Variants in USPL1 observed in about 807,000 individuals in gnomAD.
The protein encoded by USPL1 is ubiquitin specific peptidase like 1.
USPL1 carries 27 observed loss-of-function variants against 51.5 expected under a neutral mutation model. The ratio of observed to expected loss-of-function variants is 0.52; its 90% CI spans 0.39 to 0.72. The LOEUF (loss-of-function observed/expected upper bound fraction) is 0.72, where lower values mean the gene tolerates loss of function less well. USPL1 is among the 30% of genes least tolerant of loss of function. The pLI, the probability that USPL1 is intolerant of heterozygous loss-of-function variation, is 0.00. For missense variants in USPL1, 1,226 were observed against 1,268.0 expected (o/e 0.97, Z 0.50); for synonymous variants, 451 against 459.6 (o/e 0.98, Z 0.24).
chr13:30,647,900 C>A (rs980405931), intron 7 of USPL1, among the ~76,000 whole-genome samples: 7 of 152,176 alleles, frequency 4.6e-5, no homozygotes, highest in African/African-American at 1.7e-4. Context: ...GGGCAGTAGT[C>A]CCCTGTTCCC....
chr13:30,626,849 A>G (rs1950723569), intron 3 of USPL1, among the ~76,000 whole-genome samples: 1 of 151,950 alleles, frequency 6.6e-6, no homozygotes, highest in South Asian at 2.1e-4. Flanking sequence ...ACATTTAATT[A>G]GTCTTTTTTA....
chr13:30,631,892 G>T (rs1005581260), intron 4 of USPL1, among the ~76,000 whole-genome samples: 1 of 152,146 alleles, frequency 6.6e-6, no homozygotes, highest in Non-Finnish European at 1.5e-5. Context: ...CTGGGAGCAA[G>T]GAGCCCAGGA....
intron 4 of USPL1, among the ~76,000 whole-genome samples, chr13:30,633,272 C>T (rs973406409): frequency 6.6e-6 from 1 of 152,018 alleles, no homozygotes; most frequent in African/African-American, 2.4e-5. Context: ...CTTACTATGC[C>T]TAATTATAAA....
chr13:30,621,519 TA>T (rs1185733794), intron 2 of USPL1, among the ~76,000 whole-genome samples: 1 of 152,088 alleles, frequency 6.6e-6, no homozygotes, highest in Admixed American at 6.5e-5. Flanking sequence ...TCCTTGCAAA[TA>T]AAATTGATAC....
intron 3 of USPL1, among the ~76,000 whole-genome samples, chr13:30,628,631 A>T (rs994760577): frequency 2.0e-5 from 3 of 152,218 alleles, no homozygotes; most frequent in Non-Finnish European, 2.9e-5. Context: ...GAGTGAGAAC[A>T]TGCGGTGTTT....
At chr13:30,628,552 C>G (rs540703884) in intron 3 of USPL1, among the ~76,000 whole-genome samples, 4 of 152,152 alleles carry the variant, frequency 2.6e-5, no homozygotes, top group Non-Finnish European at 5.9e-5. Context: ...CCCTACCCGC[C>G]GACAGGCCCC....
rs1433853397 is a variant in USPL1 at position 30,629,412 on chromosome 13, A to G, written c.229-1423A>G. 4.6e-5 allele frequency among the ~76,000 whole-genome samples: 7 copies of G among 152,304 alleles called. No homozygotes were observed. In the East Asian group the frequency reaches 1.4e-3, roughly 29 times the overall value. On this transcript the variant is annotated intron_variant, in intron 3 of 8. Transcript: ENST00000255304. ...TAAGGTTGTAGGATCTCTTGATCCCAGGAGGCAGAGGTTGCAGTGAGCTGG... is the reference window on the plus strand; with the variant it reads ...TAAGGTTGTAGGATCTCTTGATCCCGGGAGGCAGAGGTTGCAGTGAGCTGG...
At position 30,658,652 on chromosome 13, in the gene USPL1, T is replaced by C. The variant is rs1276716114; in HGVS notation, c.2575T>C (p.Cys859Arg). The C allele has an allele frequency of 5.6e-6, 9 of 1,614,096 alleles. No homozygotes were observed. Among genetic ancestry groups the C allele is most frequent in the African/African-American group, 1.3e-5 (1 of 74,924 alleles). Reference protein sequence around the residue: ...EVLEKSGSTSCGAQLNHSSYG... With the variant: ...EVLEKSGSTSRGAQLNHSSYG... The stretch of plus-strand genomic sequence containing the variant: ...TTTGGAAAAGTCTGGAAGCACCTCA[T>C]GTGGAGCTCAACTCAACCACAGTTC... The change falls in exon 9 of 9, where the codon TGT (cysteine) becomes CGT (arginine). Residue 859 changes from cysteine to arginine, a missense_variant. Transcript: ENST00000255304.
chr13:30,642,840 TAC>T, intron 6 of USPL1, 83 bp downstream of exon 6: 1 of 1,491,474 alleles, frequency 6.7e-7, no homozygotes, highest in East Asian at 2.3e-5. Context: ...CACCAGACAC[TAC>T]AGTTTGCTTG....
chr13:30,619,966 A>C (rs1383300380), intron 1 of USPL1, among the ~76,000 whole-genome samples: 1 of 152,228 alleles, frequency 6.6e-6, no homozygotes, highest in Non-Finnish European at 1.5e-5. Flanking sequence ...TCGTCAGTGC[A>C]TAGAACAGCC....
At chr13:30,653,015 G>T in intron 7 of USPL1, 133 bp from the exon 8 acceptor site, 2 of 800,676 alleles carry the variant, frequency 2.5e-6, no homozygotes, top group Middle Eastern at 2.8e-4. Context: ...CACACATCTG[G>T]AGGTGCTCAA....
chr13:30,629,784 T>G (rs1386414083), intron 3 of USPL1, among the ~76,000 whole-genome samples: 1 of 152,122 alleles, frequency 6.6e-6, no homozygotes, highest in African/African-American at 2.4e-5. Flanking sequence ...CAGGCCTCTA[T>G]GTATATCATG....
intron 1 of USPL1, among the ~76,000 whole-genome samples, chr13:30,619,659 T>G (rs1950623084): frequency 6.6e-6 from 1 of 152,200 alleles, no homozygotes; most frequent in African/African-American, 2.4e-5. Context: ...TTTACATGCT[T>G]TATCTCATTT....
chr13:30,649,271 A>G (rs1048045165), intron 7 of USPL1, among the ~76,000 whole-genome samples: 3 of 152,206 alleles, frequency 2.0e-5, no homozygotes, highest in Admixed American at 6.5e-5. Flanking sequence ...AGGTCTTTAT[A>G]TAAGTCCTTT....
chr13:30,637,120 T>C (rs1427234489), intron 4 of USPL1, among the ~76,000 whole-genome samples: 1 of 152,134 alleles, frequency 6.6e-6, no homozygotes, highest in East Asian at 1.9e-4. Context: ...CATACCCAGC[T>C]TTTTTTCTAA....
intron 4 of USPL1, among the ~76,000 whole-genome samples, chr13:30,633,105 T>A (rs1950829355): frequency 6.6e-6 from 1 of 152,228 alleles, no homozygotes; most frequent in Non-Finnish European, 1.5e-5. Flanking sequence ...AGTCTCCCCT[T>A]ATTGTAGTTG....
In USPL1 at chr13:30,658,949, C is replaced by T. The variant is rs376320472; in HGVS notation, c.2872C>T (p.Pro958Ser). 1.2e-6 allele frequency: 2 copies of T among 1,614,152 alleles called. No homozygotes were observed. Among genetic ancestry groups the T allele is most frequent in the South Asian group, 1.1e-5 (1 of 91,072 alleles). ...CAGTGAGTCTGCATGCACCACTGTT[C>T]CTGGTGTTTCCCTGTACAGTAGTCA... is the stretch of plus-strand genomic sequence containing the variant. Reference protein sequence around the residue: ...IASESACTTVPGVSLYSSQTH... With the variant: ...IASESACTTVSGVSLYSSQTH... The change falls in exon 9 of 9, where the codon CCT becomes TCT. Residue 958 changes from proline to serine, a missense_variant. By Grantham distance (74) the Pro-to-Ser change is moderately conservative (BLOSUM62 -1). Coordinates refer to ENST00000255304, the MANE Select transcript of USPL1 (RefSeq NM_005800.5).
At chr13:30,625,032 T>C (rs1181879297) in intron 3 of USPL1, among the ~76,000 whole-genome samples, 1 of 152,224 alleles carries the variant, frequency 6.6e-6, no homozygotes, top group East Asian at 1.9e-4. Context: ...CACTTTCTTT[T>C]TAGAAGCTTC....
At chr13:30,650,591 A>G (rs1413310683) in intron 7 of USPL1, among the ~76,000 whole-genome samples, 1 of 145,926 alleles carries the variant, frequency 6.9e-6, no homozygotes, top group African/African-American at 2.5e-5. Flanking sequence ...AAAAAAAAAA[A>G]GAAAGAAATG....
Sources: gnomAD v4.1 joint callset for allele counts (sites outside exome capture counted in the v4.1 genomes callset) on GRCh38, gnomAD v4.1.1 for gene constraint, MANE v1.5 for transcripts, NCBI Gene and HGNC (gene_info 2026-07-23, HGNC 2026-07-21) for gene names.